Variants in TTC28 observed in about 807,000 individuals in gnomAD.
The protein encoded by TTC28 is tetratricopeptide repeat protein 28.
In TTC28, 61 loss-of-function variants were observed where a neutral mutation model predicts 198.0. The ratio of observed to expected loss-of-function variants is 0.31; its 90% confidence interval spans 0.25 to 0.38. The LOEUF (loss-of-function observed/expected upper bound fraction) is 0.38. Ranked by LOEUF, TTC28 falls within the 10% of genes least tolerant of loss-of-function variation. The pLI, the probability that TTC28 is intolerant of heterozygous loss-of-function variation, is 1.00. For missense variants in TTC28, 2,678 were observed against 3,164.0 expected (o/e 0.85, Z 3.69); for synonymous variants, 1,171 against 1,297.8 (o/e 0.90, Z 2.10).
chr22:28,206,063 AAAAC>A (rs1926379728), intron 5 of TTC28, among the ~76,000 whole-genome samples: 3 of 151,968 alleles, frequency 2.0e-5, no homozygotes, highest in Admixed American at 2.0e-4. Flanking sequence ...CAGCTAAAGC[AAAAC>A]ATTAAAATTC....
At chr22:28,199,530 C>CAT (rs10689151) in intron 5 of TTC28, among the ~76,000 whole-genome samples, 58,537 of 138,796 alleles carry the variant, frequency 0.42, 12,740 homozygotes, top group African/African-American at 0.49. Flanking sequence ...AATACCTATA[C>CAT]ATATATATAT....
chr22:28,156,420 T>A (rs1258991824), intron 6 of TTC28, among the ~76,000 whole-genome samples: 2 of 152,190 alleles, frequency 1.3e-5, no homozygotes, highest in African/African-American at 4.8e-5. Context: ...GCACTGTCAA[T>A]ATCTTGACTT....
At chr22:28,035,945 T>C (rs558968578) in intron 12 of TTC28, among the ~76,000 whole-genome samples, 1 of 152,310 alleles carries the variant, frequency 6.6e-6, no homozygotes, top group South Asian at 2.1e-4. Context: ...CTGACTCTCC[T>C]AAATATATAT....
At chr22:28,382,609 ATCT>A (rs1428573179) in intron 2 of TTC28, among the ~76,000 whole-genome samples, 4 of 152,206 alleles carry the variant, frequency 2.6e-5, no homozygotes, top group East Asian at 1.9e-4. Flanking sequence ...TCAAATCCAC[ATCT>A]TCTGTGTAAA....
At chr22:28,120,494 A>G (rs983984876) in intron 6 of TTC28, among the ~76,000 whole-genome samples, 2 of 152,158 alleles carry the variant, frequency 1.3e-5, no homozygotes, top group Admixed American at 6.5e-5. Context: ...ACCACCTCCC[A>G]GCCCAGCACA....
intron 2 of TTC28, among the ~76,000 whole-genome samples, chr22:28,397,206 C>A (rs1279545960): frequency 6.6e-6 from 1 of 152,096 alleles, no homozygotes; most frequent in Non-Finnish European, 1.5e-5. Context: ...GACAAGGGAA[C>A]AAACAAAAAT....
chr22:28,076,916 T>C (rs1013693113), intron 12 of TTC28, among the ~76,000 whole-genome samples: 1 of 152,210 alleles, frequency 6.6e-6, no homozygotes, highest in African/African-American at 2.4e-5. Context: ...AATCACTCCC[T>C]GGTTGTCCTT....
In TTC28 at chr22:28,505,980, C is replaced by A. The variant is rs186333881; in HGVS notation, c.381+123572G>T. On this transcript the variant is annotated intron_variant, in intron 2 of 22. Transcript: ENST00000397906. ...GCTGGCTTTGGAGAATACAAACAGT[C>A]CGAACAAGGAAGGGTCCCCCACAGT... Among the ~76,000 whole-genome samples, 276 of 152,360 alleles carry A rather than the reference C, an allele frequency of 1.8e-3. 2 individuals are homozygous for A. Among genetic ancestry groups the A allele is most frequent in the Non-Finnish European group, 3.4e-3 (231 of 68,038 alleles).
rs537708052 is a variant in TTC28, at chr22:28,486,063, T to C, written c.381+143489A>G. Among the ~76,000 whole-genome samples the C allele has an allele frequency of 3.3e-5, 5 of 152,182 alleles. No individual in the cohort carries two copies. In the South Asian group the frequency reaches 6.2e-4, roughly 19 times the overall value. On this transcript the variant is annotated intron_variant, in intron 2 of 22. Transcript: ENST00000397906. ...AGACAAAGAGTAATAAAGACAATTA[T>C]AAGGGAAAATTGATTACATCATTTT...
chr22:28,349,716 T>C (rs2045963809), intron 2 of TTC28, among the ~76,000 whole-genome samples: 1 of 152,202 alleles, frequency 6.6e-6, no homozygotes, highest in Non-Finnish European at 1.5e-5. Context: ...CTGAATAAAT[T>C]AAAGTGTATT....
In TTC28 at chr22:28,679,839, C is replaced by T. The variant is rs1440370753; in HGVS notation, c.-116G>A. The T allele has an allele frequency of 1.2e-4, 38 of 315,126 alleles. No homozygotes were observed. The highest frequency in any genetic ancestry group is 1.7e-4 in the Non-Finnish European group (35 of 207,198). 19.5% of individuals were successfully genotyped at this position (315,126 alleles called of 1,614,324 possible). On this transcript the variant is annotated 5_prime_UTR_variant, in exon 1 of 23. It adds an upstream start codon to the 5' untranslated region. Transcript: ENST00000397906. ...CTGCGCGCCGCCGCGGCGCCCCTCA[C>T]TGCCCCCAAACCGCGCGCGCGCCCC...
chr22:28,220,584 T>C (rs1425931567), intron 5 of TTC28, among the ~76,000 whole-genome samples: 1 of 152,212 alleles, frequency 6.6e-6, no homozygotes, highest in Non-Finnish European at 1.5e-5. Context: ...CTTTGCCACA[T>C]GGGGTTCCCC....
At chr22:28,599,140 G>C (rs1258733522) in intron 2 of TTC28, among the ~76,000 whole-genome samples, 1 of 152,152 alleles carries the variant, frequency 6.6e-6, no homozygotes, top group Non-Finnish European at 1.5e-5. Context: ...ATATAATCAA[G>C]AAGGCCATAT....
chr22:28,629,578 G>C lies in TTC28; in HGVS notation c.355C>G (p.Arg119Gly), dbSNP rs1354628157. 3.9e-6 allele frequency: 6 copies of C among 1,551,116 alleles called. No homozygotes were observed. The East Asian group carries it at 1.5e-4, about 38-fold the overall frequency. ...DKALDDAIKA[R>G]LLNPKWPKAY... is the part of the protein sequence containing the mutation. ...TTTGGCCACTTGGGATTGAGAAGTC[G>C]AGCTTTGATTGCATCATCCAGTGCC... Residue 119 changes from arginine (R) to glycine (G), a missense_variant, in exon 2 of 23, where the codon CGA becomes GGA. Coordinates refer to ENST00000397906, the MANE Select transcript of TTC28 (RefSeq NM_001145418.2).
intron 13 of TTC28, among the ~76,000 whole-genome samples, chr22:28,016,320 C>T (rs1938374385): frequency 6.6e-6 from 1 of 152,234 alleles, no homozygotes; most frequent in Non-Finnish European, 1.5e-5. Flanking sequence ...AAGAGCAATT[C>T]TCCCCTCAAG....
intron 2 of TTC28, among the ~76,000 whole-genome samples, chr22:28,322,650 T>C (rs2045466611): frequency 6.6e-6 from 1 of 152,230 alleles, no homozygotes; most frequent in African/African-American, 2.4e-5. Flanking sequence ...ATTCTGGCAC[T>C]GAAAATACTG....
At chr22:28,318,364 T>C (rs114463885) in intron 2 of TTC28, among the ~76,000 whole-genome samples, 1,749 of 152,230 alleles carry the variant, frequency 0.011, 30 homozygotes, top group African/African-American at 0.04. Context: ...CTTGGTGCAC[T>C]TTCTGTTTGC....
intron 5 of TTC28, among the ~76,000 whole-genome samples, chr22:28,254,725 T>C (rs947733967): frequency 1.3e-5 from 2 of 152,092 alleles, no homozygotes; most frequent in Non-Finnish European, 2.9e-5. Flanking sequence ...GGGAACTCAA[T>C]ACCAAAGCGT....
intron 13 of TTC28, among the ~76,000 whole-genome samples, chr22:28,016,748 AGG>A (rs1267303260): frequency 6.6e-6 from 1 of 152,202 alleles, no homozygotes; most frequent in Non-Finnish European, 1.5e-5. Context: ...CCCCAGCTCT[AGG>A]GAGTTCTCAG....
Sources: allele counts gnomAD v4.1 joint callset (sites outside exome capture counted in the v4.1 genomes callset), GRCh38; gene constraint gnomAD v4.1.1; transcripts MANE v1.5; gene names NCBI Gene and HGNC (gene_info 2026-07-23, HGNC 2026-07-21).